The following NRP1 variants were observed in gnomAD, a reference collection of about 807,000 sequenced individuals.
NRP1 encodes the protein neuropilin 1.
NRP1 carries 35 observed loss-of-function variants against 106.7 expected under a neutral mutation model. The observed-to-expected ratio is 0.33, with a 90% confidence interval of 0.25 to 0.43. NRP1 has a LOEUF of 0.43. Ranked by LOEUF, NRP1 falls within the 20% of genes least tolerant of loss-of-function variation. The pLI is 1.00. For missense variants in NRP1, 1,024 were observed against 1,170.4 expected (o/e 0.87, Z 1.83); for synonymous variants, 437 against 417.9 (o/e 1.05, Z -0.56).
chr10:33,182,066 G>T (rs1173211629), intron 16 of NRP1, among the ~76,000 whole-genome samples: 3 of 152,102 alleles, frequency 2.0e-5, no homozygotes, highest in African/African-American at 7.2e-5. Context: ...TGCACTCCAA[G>T]CCTGGGTGAC....
Position 33,334,628 on chromosome 10 carries a change from A to G in NRP1, c.-246T>C. ...TCCGGCTTCCTCTCCCTTTTCCCACACTTGTTCCTCTTCCAGGAGCCACTG... is the reference window on the plus strand; with the variant it reads ...TCCGGCTTCCTCTCCCTTTTCCCACGCTTGTTCCTCTTCCAGGAGCCACTG... On this transcript the variant is annotated 5_prime_UTR_variant, in exon 1 of 17. Coordinates refer to ENST00000374867, the MANE Select transcript of NRP1 (RefSeq NM_003873.7). 6.5e-6 allele frequency: 1 copy of G among 154,634 alleles called. No individual in the cohort carries two copies. Among genetic ancestry groups the G allele is most frequent in the Non-Finnish European group, 1.2e-5 (1 of 84,194 alleles). The allele number at this position is 154,634 out of a possible 1,614,324, so 9.6% of individuals were successfully genotyped here.
chr10:33,275,758 T>A (rs1401033264), intron 2 of NRP1, among the ~76,000 whole-genome samples: 4 of 124,068 alleles, frequency 3.2e-5, no homozygotes, highest in Admixed American at 8.2e-5. Context: ...TTTTTTTTTT[T>A]AATTAGCAAG....
chr10:33,199,389 A>ATATATTTTT (rs1564372890), intron 11 of NRP1, among the ~76,000 whole-genome samples: 1 of 36,840 alleles, frequency 2.7e-5, no homozygotes, highest in Non-Finnish European at 4.5e-5. Flanking sequence ...ATATATATAT[A>ATATATTTTT]TTTTTTTTTT....
intron 2 of NRP1, among the ~76,000 whole-genome samples, chr10:33,280,846 G>T (rs1432652557): frequency 1.3e-5 from 2 of 151,886 alleles, no homozygotes; most frequent in African/African-American, 4.8e-5. Flanking sequence ...GTTGGGCATG[G>T]TGGCACACGC....
chr10:33,263,591 CTGG>C, intron 4 of NRP1, 52 bp downstream of exon 4: 1 of 1,326,890 alleles, frequency 7.5e-7, no homozygotes, highest in South Asian at 1.2e-5. Context: ...TAAAAGAATA[CTGG>C]TGCCCTTCCT....
rs760030548 is a variant in NRP1, at chr10:33,286,390, T to G, written c.249-15534A>C. Among the ~76,000 whole-genome samples, 6 of 152,182 alleles carry G rather than the reference T, an allele frequency of 3.9e-5. 1 individual carries two copies. The highest frequency in any genetic ancestry group is 8.8e-5 in the Non-Finnish European group (6 of 68,038). ...TGTTCTTATCCCTTGAATGCCTTGC[T>G]TTTCCCTCCATTCCTACATCCTCCT... is the stretch of plus-strand genomic sequence containing the variant. On this transcript the variant is annotated intron_variant, in intron 2 of 16. Coordinates refer to ENST00000374867, the MANE Select transcript of NRP1 (RefSeq NM_003873.7).
In NRP1 at chr10:33,320,737, C is replaced by A. The variant is rs186565227; in HGVS notation, c.248+9971G>T. ...TCAATACAAGTGTCAGCTGTTTAAA[C>A]TAGTGTTTACATGTGCAAAGCATTC... On this transcript the variant is annotated intron_variant, in intron 2 of 16. Coordinates refer to ENST00000374867, the MANE Select transcript of NRP1 (RefSeq NM_003873.7). Among the ~76,000 whole-genome samples the A allele has an allele frequency of 6.4e-4, 97 of 152,282 alleles. No individual in the cohort carries two copies. In the South Asian group the frequency reaches 6.8e-3, roughly 11 times the overall value.
chr10:33,327,410 C>T (rs1847964686), intron 2 of NRP1, among the ~76,000 whole-genome samples: 1 of 152,020 alleles, frequency 6.6e-6, no homozygotes, highest in Admixed American at 6.6e-5. Context: ...GAAGCTGGAA[C>T]AAGGAAAAAT....
chr10:33,220,082 C>T (rs1348695394), intron 8 of NRP1, among the ~76,000 whole-genome samples: 2 of 152,118 alleles, frequency 1.3e-5, no homozygotes, highest in African/African-American at 2.4e-5. Flanking sequence ...ATCTTAGGTC[C>T]TAAAATAATA....
intron 4 of NRP1, among the ~76,000 whole-genome samples, chr10:33,260,538 G>C (rs754654395): frequency 6.6e-6 from 1 of 152,138 alleles, no homozygotes; most frequent in South Asian, 2.1e-4. Context: ...CCGATGTGAC[G>C]TGAGCTAAGC....
At chr10:33,307,689 T>C (rs1354462651) in intron 2 of NRP1, among the ~76,000 whole-genome samples, 3 of 152,198 alleles carry the variant, frequency 2.0e-5, no homozygotes, top group Admixed American at 1.3e-4. Flanking sequence ...GATTTATGCA[T>C]ACAGATGTTC....
chr10:33,237,081 C>T (rs1840616941), intron 6 of NRP1, among the ~76,000 whole-genome samples: 1 of 152,194 alleles, frequency 6.6e-6, no homozygotes, highest in Admixed American at 6.5e-5. Context: ...CACACAGCTG[C>T]ATCCCAAAGC....
intron 2 of NRP1, among the ~76,000 whole-genome samples, chr10:33,296,427 C>A (rs1254088027): frequency 6.6e-6 from 1 of 152,188 alleles, no homozygotes; most frequent in Non-Finnish European, 1.5e-5. Flanking sequence ...CAGCCCAGAG[C>A]CATCTGGAAT....
Position 33,181,015 on chromosome 10 carries a change from C to T in NRP1, c.2483-650G>A, listed in dbSNP as rs551642039. Among the ~76,000 whole-genome samples, 36 of 152,318 alleles carry T rather than the reference C, an allele frequency of 2.4e-4. No individual in the cohort carries two copies. The South Asian group carries it at 3.7e-3, about 16-fold the overall frequency. On this transcript the variant is annotated intron_variant, in intron 16 of 16. Transcript: ENST00000374867. The stretch of plus-strand genomic sequence containing the variant: ...CATGTCTGTCATGCCAAATAGAAGA[C>T]ATTTACTAATAATCAGCATCTTTGC...
chr10:33,185,997 G>A (rs1835981295), intron 14 of NRP1, among the ~76,000 whole-genome samples: 1 of 152,310 alleles, frequency 6.6e-6, no homozygotes, highest in Non-Finnish European at 1.5e-5. Context: ...TGACACGGAA[G>A]CCCTTTGTGT....
At chr10:33,277,837 A>G (rs1054571277) in intron 2 of NRP1, among the ~76,000 whole-genome samples, 2 of 152,030 alleles carry the variant, frequency 1.3e-5, no homozygotes, top group Admixed American at 6.5e-5. Context: ...TTTTTCCTAT[A>G]TATATTTTTC....
chr10:33,283,826 G>A (rs1588917106), intron 2 of NRP1, among the ~76,000 whole-genome samples: 1 of 152,190 alleles, frequency 6.6e-6, no homozygotes. Flanking sequence ...CTAAGAGCAG[G>A]AGCACCATCT....
intron 8 of NRP1, among the ~76,000 whole-genome samples, chr10:33,217,456 G>A (rs1838871461): frequency 6.6e-6 from 1 of 151,932 alleles, no homozygotes; most frequent in Admixed American, 6.6e-5. Flanking sequence ...ATAATTTGCA[G>A]AAAAATTACA....
In NRP1 at chr10:33,330,804, C is replaced by T. The variant is rs1156630275; in HGVS notation, c.152G>A (p.Ser51Asn). 1.1e-5 allele frequency: 17 copies of T among 1,613,718 alleles called. No individual in the cohort carries two copies. The highest frequency in any genetic ancestry group is 1.7e-5 in the Admixed American group (1 of 59,992). The change falls in exon 2 of 17, where the codon AGT becomes AAT. Residue 51 changes from serine (S) to asparagine (N), a missense_variant. Transcript: ENST00000374867. ...SPGYPHSYHPSEKCEWLIQAP... is the reference protein window; with the variant it reads ...SPGYPHSYHPNEKCEWLIQAP... ...CTGAATCAGCCATTCGCATTTTTCA[C>T]TTGGGTGATAAGAATGAGGATAACC...
Sources: gnomAD v4.1 joint callset for allele counts (sites outside exome capture counted in the v4.1 genomes callset) on GRCh38, gnomAD v4.1.1 for gene constraint, MANE v1.5 for transcripts, NCBI Gene and HGNC (gene_info 2026-07-23, HGNC 2026-07-21) for gene names.